Variants in VPS13B observed in about 807,000 individuals in gnomAD.
VPS13B encodes vacuolar protein sorting 13 homolog B.
Under a neutral mutation model 426.4 loss-of-function variants are expected in VPS13B, and 285 were observed. That is an observed-to-expected ratio of 0.67 (90% CI 0.61 to 0.74). The LOEUF (loss-of-function observed/expected upper bound fraction) is 0.74. VPS13B is among the 30% of genes least tolerant of loss of function. The pLI is 0.00. For missense variants in VPS13B, 4,537 were observed against 4,782.6 expected, an observed-to-expected ratio of 0.95 and a Z score of 1.51; for synonymous variants, 1,676 against 1,676.4, an observed-to-expected ratio of 1.00 and a Z score of 0.01.
chr8:99,533,545 C>T (rs1823042460), intron 30 of VPS13B, among the ~76,000 whole-genome samples: 1 of 152,046 alleles, frequency 6.6e-6, no homozygotes, highest in Non-Finnish European at 1.5e-5. Context: ...TTGAGATTAA[C>T]TAAATTTTTT....
chr8:99,091,320 G>A (rs1048606156), intron 3 of VPS13B, among the ~76,000 whole-genome samples: 3 of 152,098 alleles, frequency 2.0e-5, no homozygotes, highest in Non-Finnish European at 4.4e-5. Context: ...CCCAATGAAT[G>A]TTCAGCTTTT....
Position 99,369,186 on chromosome 8 carries a change from T to C in VPS13B, c.2825-15022T>C, listed in dbSNP as rs1208863634. ...TTCCCACTATCACCACAAGATTCCT[T>C]GAGAATGCTATTTTCCTTTATTCAT... On this transcript the variant is annotated intron_variant, in intron 19 of 61. Coordinates refer to ENST00000357162, the MANE Select transcript of VPS13B (RefSeq NM_152564.5). Among the ~76,000 whole-genome samples, 3 of 152,178 alleles carry C rather than the reference T, an allele frequency of 2.0e-5. No homozygotes were observed. The East Asian group carries it at 5.8e-4, about 29-fold the overall frequency.
chr8:99,644,898 G>A (rs563759866), intron 34 of VPS13B, among the ~76,000 whole-genome samples: 3 of 152,242 alleles, frequency 2.0e-5, no homozygotes, highest in Non-Finnish European at 2.9e-5. Context: ...CTGCTTTAAC[G>A]CATTATCTCA....
chr8:99,249,665 C>T (rs1301053419), intron 17 of VPS13B, among the ~76,000 whole-genome samples: 2 of 152,092 alleles, frequency 1.3e-5, no homozygotes, highest in Non-Finnish European at 1.5e-5. Context: ...CCTCATGATC[C>T]ACCCACCTTG....
chr8:99,340,914 G>T, intron 19 of VPS13B: 1 of 295,870 alleles, frequency 3.4e-6, no homozygotes, highest in Non-Finnish European at 7.0e-6. Flanking sequence ...CTGTGGTGTG[G>T]ATGGATTCAA....
intron 33 of VPS13B, among the ~76,000 whole-genome samples, chr8:99,604,996 C>T (rs1042736012): frequency 1.3e-5 from 2 of 152,110 alleles, no homozygotes; most frequent in African/African-American, 2.4e-5. Flanking sequence ...ATTTAAAAAT[C>T]GGTTAATAGT....
At chr8:99,438,413 T>C (rs966194337) in intron 22 of VPS13B, among the ~76,000 whole-genome samples, 10 of 152,198 alleles carry the variant, frequency 6.6e-5, no homozygotes, top group African/African-American at 2.4e-4. Context: ...CTATCAATCA[T>C]GCTAATTATA....
chr8:99,769,991 C>A (rs972112613), intron 40 of VPS13B, among the ~76,000 whole-genome samples: 16 of 151,838 alleles, frequency 1.1e-4, no homozygotes. Flanking sequence ...ACTTTTGTCT[C>A]CACACAAAAA....
At chr8:99,298,462 C>T (rs1347104153) in intron 19 of VPS13B, among the ~76,000 whole-genome samples, 1 of 151,964 alleles carries the variant, frequency 6.6e-6, no homozygotes, top group Admixed American at 6.6e-5. Context: ...GCACTCCAGC[C>T]TGGGCAACAA....
intron 2 of VPS13B, among the ~76,000 whole-genome samples, chr8:99,031,557 T>C (rs529470736): frequency 2.0e-4 from 30 of 152,326 alleles, no homozygotes; most frequent in African/African-American, 7.2e-4. Context: ...AGGAAAAAAC[T>C]TTTTCCTGTA....
chr8:99,445,617 C>CT (rs1341118254), intron 23 of VPS13B, among the ~76,000 whole-genome samples: 1 of 150,768 alleles, frequency 6.6e-6, no homozygotes, highest in Non-Finnish European at 1.5e-5. Context: ...TCTCACTATT[C>CT]TTTTTTTTAA....
chr8:99,773,390 G>A (rs1313519761), intron 40 of VPS13B, among the ~76,000 whole-genome samples: 1 of 152,104 alleles, frequency 6.6e-6, no homozygotes, highest in Non-Finnish European at 1.5e-5. Context: ...ACCATAAAGG[G>A]ATCCATAGAG....
chr8:99,044,969 T>G (rs1171512131), intron 3 of VPS13B, among the ~76,000 whole-genome samples: 1 of 127,832 alleles, frequency 7.8e-6, no homozygotes, highest in Non-Finnish European at 1.7e-5. Context: ...TCCACATTTT[T>G]GCAATTGTGA....
At chr8:99,202,424 A>T (rs1814384900) in intron 17 of VPS13B, among the ~76,000 whole-genome samples, 1 of 152,164 alleles carries the variant, frequency 6.6e-6, no homozygotes, top group Non-Finnish European at 1.5e-5. Context: ...CTGTGAATGG[A>T]TGTGACAATG....
chr8:99,234,419 T>C, intron 17 of VPS13B: 1 of 664,770 alleles, frequency 1.5e-6, no homozygotes, highest in Non-Finnish European at 2.9e-6. Flanking sequence ...AGAGACCGAG[T>C]AATCAACTTC....
At position 99,235,389 on chromosome 8, in the gene VPS13B, A is replaced by G. The variant is rs192638481; in HGVS notation, c.2516-38809A>G. On this transcript the variant is annotated intron_variant, in intron 17 of 61. Coordinates refer to ENST00000357162, the MANE Select transcript of VPS13B (RefSeq NM_152564.5). Reference sequence around the variant, plus strand: ...TTGTATTCCAAAAAGTCATTCTGCAATGATATTTGGCTTTTGCCGCAGCTT... The same window carrying G: ...TTGTATTCCAAAAAGTCATTCTGCAGTGATATTTGGCTTTTGCCGCAGCTT... Among the ~76,000 whole-genome samples, 966 of 152,316 alleles carry G rather than the reference A, an allele frequency of 6.3e-3. 8 individuals carry two copies. Among genetic ancestry groups the G allele is most frequent in the African/African-American group, 0.022 (907 of 41,578 alleles).
rs1343441630 is a variant in VPS13B, at chr8:99,871,470, A to C, written c.11518A>C (p.Arg3840=). Residue 3840 remains arginine, a synonymous_variant, in exon 61 of 62, where the codon AGA becomes CGA. Coordinates refer to ENST00000357162, the MANE Select transcript of VPS13B (RefSeq NM_152564.5). The part of the protein sequence containing the change: ...YVWKMLQSLG[R]PEVHMALDVV... ...CAGGAAAATGCTTCAGTCTCTGGGCAGACCAGAAGTCCACATGGCCCTGGA... is the reference window on the plus strand; with the variant it reads ...CAGGAAAATGCTTCAGTCTCTGGGCCGACCAGAAGTCCACATGGCCCTGGA... 3 of 1,614,216 alleles carry C rather than the reference A, an allele frequency of 1.9e-6. No homozygotes were observed. The highest frequency in any genetic ancestry group is 1.7e-6 in the Non-Finnish European group (2 of 1,180,044).
At chr8:99,106,446 A>C (rs1254634906) in intron 5 of VPS13B, among the ~76,000 whole-genome samples, 1 of 150,632 alleles carries the variant, frequency 6.6e-6, no homozygotes, top group East Asian at 1.9e-4. Context: ...AAAAAAAAAA[A>C]AAAAAAAACC....
At chr8:99,116,172 C>T (rs944697565) in intron 7 of VPS13B, among the ~76,000 whole-genome samples, 2 of 151,158 alleles carry the variant, frequency 1.3e-5, no homozygotes, top group Non-Finnish European at 2.9e-5. Context: ...GGATTACAGA[C>T]ATGCATCACC....
Sources: allele counts gnomAD v4.1 joint callset (sites outside exome capture counted in the v4.1 genomes callset), GRCh38; gene constraint gnomAD v4.1.1; transcripts MANE v1.5; gene names NCBI Gene and HGNC (gene_info 2026-07-23, HGNC 2026-07-21).